SLC9A2: variants seen among roughly 807,000 people sequenced by gnomAD.
The protein encoded by SLC9A2 is sodium/hydrogen exchanger 2.
In SLC9A2, 42 loss-of-function variants were observed where a neutral mutation model predicts 71.7. The ratio of observed to expected loss-of-function variants is 0.59; its 90% CI spans 0.46 to 0.76. SLC9A2 has a LOEUF of 0.76. SLC9A2 is among the 30% of genes least tolerant of loss of function. The probability of loss-of-function intolerance (pLI) is 0.00; values close to 1 mark genes in which losing one functional copy is unlikely to be tolerated. For synonymous variants in SLC9A2, 396 were observed against 392.5 expected, an observed-to-expected ratio of 1.01 and a Z score of -0.10; for missense variants, 829 against 1,017.4, an observed-to-expected ratio of 0.81 and a Z score of 2.52.
At position 102,694,539 on chromosome 2, in the gene SLC9A2, A is replaced by G. The variant is rs1383876907; in HGVS notation, c.1515+36A>G. 5.6e-6 allele frequency: 6 copies of G among 1,080,264 alleles called. No individual in the cohort carries two copies. In the Admixed American group the frequency reaches 8.2e-5, roughly 15 times the overall value. The allele number at this position is 1,080,264 out of a possible 1,614,324, so 66.9% of individuals were successfully genotyped here. ...AGAGAGTGTAATAATTTTAATGATAAAGGAAAAATATTTGAATCAGTCAAA... is the reference window on the plus strand; with the variant it reads ...AGAGAGTGTAATAATTTTAATGATAGAGGAAAAATATTTGAATCAGTCAAA... On this transcript the variant is annotated intron_variant, in intron 6 of 11. Transcript: ENST00000233969.
At position 102,707,975 on chromosome 2, in the gene SLC9A2, C is replaced by T. The variant is rs531459583; in HGVS notation, c.2069-144C>T. On this transcript the variant is annotated intron_variant, in intron 11 of 11. Coordinates refer to ENST00000233969, the MANE Select transcript of SLC9A2 (RefSeq NM_003048.6). ...TATGTAAGATGCACAAGGCCACTCA[C>T]CTAAAATTAGCATAAGCCTGCTAGC... 6 of 830,432 alleles carry T rather than the reference C, an allele frequency of 7.2e-6. No individual in the cohort carries two copies. In the Admixed American group the frequency reaches 7.4e-5, roughly 10 times the overall value. The allele number at this position is 830,432 out of a possible 1,614,324, so 51.4% of individuals were successfully genotyped here.
At chr2:102,667,028 G>C (rs1431950893) in intron 3 of SLC9A2, among the ~76,000 whole-genome samples, 1 of 152,212 alleles carries the variant, frequency 6.6e-6, no homozygotes, top group Non-Finnish European at 1.5e-5. Context: ...GATGAGGTTT[G>C]TGGTGGAGGA....
At chr2:102,685,685 T>C (rs1487744932) in intron 5 of SLC9A2, among the ~76,000 whole-genome samples, 1 of 138,914 alleles carries the variant, frequency 7.2e-6, no homozygotes, top group African/African-American at 2.8e-5. Flanking sequence ...GCTAGAAGGA[T>C]GGACTTGCCC....
intron 7 of SLC9A2, among the ~76,000 whole-genome samples, chr2:102,695,792 T>A (rs201907229): frequency 1.0e-4 from 4 of 39,862 alleles, no homozygotes; most frequent in African/African-American, 3.3e-4. Context: ...ATATATATTA[T>A]ATATATATTA....
At chr2:102,692,006 T>A (rs2104546657) in intron 5 of SLC9A2, among the ~76,000 whole-genome samples, 1 of 152,346 alleles carries the variant, frequency 6.6e-6, no homozygotes, top group East Asian at 1.9e-4. Context: ...TACATTGATT[T>A]TGTCAACTTT....
intron 1 of SLC9A2, among the ~76,000 whole-genome samples, chr2:102,640,781 A>G (rs1478719311): frequency 6.6e-6 from 1 of 152,166 alleles, no homozygotes; most frequent in Admixed American, 6.6e-5. Flanking sequence ...ATGGAGTTGG[A>G]AGTCCCAAGC....
chr2:102,639,547 T>G (rs2104506915), intron 1 of SLC9A2, among the ~76,000 whole-genome samples: 1 of 152,324 alleles, frequency 6.6e-6, no homozygotes, highest in South Asian at 2.1e-4. Flanking sequence ...TCCGAGTTGG[T>G]TTAGCAGTGC....
At chr2:102,623,955 G>C (rs1676193979) in intron 1 of SLC9A2, among the ~76,000 whole-genome samples, 1 of 151,968 alleles carries the variant, frequency 6.6e-6, no homozygotes, top group Admixed American at 6.6e-5. Flanking sequence ...TATAATCTTA[G>C]AAATATTACA....
chr2:102,654,953 G>T (rs1405931651), intron 1 of SLC9A2, among the ~76,000 whole-genome samples: 1 of 152,132 alleles, frequency 6.6e-6, no homozygotes, highest in East Asian at 1.9e-4. Flanking sequence ...ATTAAAAGTG[G>T]TATACCTGTA....
rs113157216 is a variant in SLC9A2 at position 102,709,314 on chromosome 2, G to A, written c.*825G>A. The A allele has an allele frequency of 1.3e-5, 2 of 152,248 alleles. No individual in the cohort carries two copies. Among genetic ancestry groups the A allele is most frequent in the African/African-American group, 4.8e-5 (2 of 41,306 alleles). The allele number at this position is 152,248 out of a possible 1,614,324, so 9.4% of individuals were successfully genotyped here. The stretch of plus-strand genomic sequence containing the variant: ...GCTTTTGATGAAGTTCCACCCATGA[G>A]GGTCCATGTGGCAAGTAGGGCCACA... On this transcript the variant is annotated 3_prime_UTR_variant, in exon 12 of 12. Coordinates refer to ENST00000233969, the MANE Select transcript of SLC9A2 (RefSeq NM_003048.6).
intron 3 of SLC9A2, among the ~76,000 whole-genome samples, chr2:102,675,262 GC>G (rs1204653738): frequency 6.6e-6 from 1 of 152,172 alleles, no homozygotes; most frequent in Non-Finnish European, 1.5e-5. Context: ...CTGGGTAGAG[GC>G]AGAGGTGTAA....
Position 102,695,031 on chromosome 2 carries a change from T to C in SLC9A2, c.1516-12T>C. Reference sequence around the variant, plus strand: ...TAAAGACTAATCAATTTGCCTGCTTTTTCTGTTTTAGTTGTTTGATCATGT... The same window carrying C: ...TAAAGACTAATCAATTTGCCTGCTTCTTCTGTTTTAGTTGTTTGATCATGT... On this transcript the variant is annotated splice_polypyrimidine_tract_variant and intron_variant, in intron 6 of 11. Coordinates refer to ENST00000233969, the MANE Select transcript of SLC9A2 (RefSeq NM_003048.6). 1 of 1,612,684 alleles carries C rather than the reference T, an allele frequency of 6.2e-7. No individual in the cohort carries two copies. Among genetic ancestry groups the C allele is most frequent in the Non-Finnish European group, 8.5e-7 (1 of 1,179,090 alleles).
chr2:102,626,204 G>A (rs553067684), intron 1 of SLC9A2, among the ~76,000 whole-genome samples: 13 of 152,222 alleles, frequency 8.5e-5, no homozygotes, highest in African/African-American at 2.4e-4. Context: ...AAACAGCATG[G>A]TACTGGTACC....
At chr2:102,650,917 G>A (rs1676819667) in intron 1 of SLC9A2, among the ~76,000 whole-genome samples, 1 of 152,144 alleles carries the variant, frequency 6.6e-6, no homozygotes, top group Admixed American at 6.5e-5. Flanking sequence ...AAGCTCCATG[G>A]TATGTTTTAA....
chr2:102,698,467 A>G (rs1390237789), intron 7 of SLC9A2, among the ~76,000 whole-genome samples: 2 of 152,246 alleles, frequency 1.3e-5, no homozygotes, highest in Non-Finnish European at 2.9e-5. Flanking sequence ...ATGTTGTATA[A>G]CAAACCATCC....
rs375685072 is a variant in SLC9A2 at position 102,664,100 on chromosome 2, A to AC, written c.754-996dup. 2.6e-3 allele frequency among the ~76,000 whole-genome samples: 401 copies of AC among 151,926 alleles called. 7 individuals carry two copies. The highest frequency in any genetic ancestry group is 8.9e-3 in the African/African-American group (369 of 41,406). On this transcript the variant is annotated intron_variant, in intron 2 of 11. Transcript: ENST00000233969. ...AGACCAGCCTGGCCAACATCATGAG[A>AC]CCCCATCTCTACTAAAAGTACAGCA...
At chr2:102,670,815 G>A (rs1677234354) in intron 3 of SLC9A2, among the ~76,000 whole-genome samples, 1 of 110,456 alleles carries the variant, frequency 9.1e-6, no homozygotes, top group East Asian at 3.3e-4. Flanking sequence ...ATTGTCATCT[G>A]TTTAACACTT....
intron 7 of SLC9A2, among the ~76,000 whole-genome samples, chr2:102,696,074 G>C (rs1677762806): frequency 6.6e-6 from 1 of 151,826 alleles, no homozygotes; most frequent in Non-Finnish European, 1.5e-5. Flanking sequence ...GCAGAGCTAG[G>C]AGCAGTGGGG....
intron 1 of SLC9A2, among the ~76,000 whole-genome samples, chr2:102,642,953 T>A (rs1367965149): frequency 6.6e-6 from 1 of 152,184 alleles, no homozygotes; most frequent in East Asian, 1.9e-4. Flanking sequence ...GCAGTTGGTG[T>A]TTTTTGACGA....
Sources: allele counts gnomAD v4.1 joint callset (sites outside exome capture counted in the v4.1 genomes callset), GRCh38; gene constraint gnomAD v4.1.1; transcripts MANE v1.5; gene names NCBI Gene and HGNC (gene_info 2026-07-23, HGNC 2026-07-21).